Variants in OR52K1 observed in about 807,000 individuals in gnomAD.
OR52K1 encodes olfactory receptor 52K1.
Under a neutral mutation model 8.7 loss-of-function variants are expected in OR52K1, and 10 were observed. The observed-to-expected ratio is 1.15, with a 90% confidence interval of 0.71 to 1.95. OR52K1 has a LOEUF of 1.95. Ranked by LOEUF, OR52K1 falls within the 30% of genes most tolerant of loss-of-function variation. The pLI is 0.00. For synonymous variants in OR52K1, 203 were observed against 148.5 expected (o/e 1.37, Z -2.67); for missense variants, 431 against 397.2 (o/e 1.08, Z -0.72).
Position 4,488,866 on chromosome 11 carries a change from C to A in OR52K1, c.-35C>A. 6.9e-7 allele frequency: 1 copy of A among 1,458,856 alleles called. No homozygotes were observed. Among genetic ancestry groups the A allele is most frequent in the South Asian group, 1.2e-5 (1 of 83,356 alleles). The allele number at this position is 1,458,856 out of a possible 1,614,324, so 90.4% of individuals were successfully genotyped here. ...AAGGTATATATAGAAGGTGAAGAAG[C>A]CCTGTAAAAATTGACAAGGAGATTT... On this transcript the variant is annotated 5_prime_UTR_variant, in exon 2 of 2. Transcript: ENST00000641528.
At position 4,492,619 on chromosome 11, in the gene OR52K1, C is replaced by T. The variant is rs1167291770; in HGVS notation, c.*2774C>T. ...TAAAGGAAATACAGTCTTCTTACAG[C>T]ATATCATAAAATTATTTCACTTATC... is the stretch of plus-strand genomic sequence containing the variant. On this transcript the variant is annotated 3_prime_UTR_variant, in exon 2 of 2. Transcript: ENST00000641528. 6.6e-6 allele frequency: 1 copy of T among 152,186 alleles called. No homozygotes were observed. The highest frequency in any genetic ancestry group is 2.4e-5 in the African/African-American group (1 of 41,428). The allele number at this position is 152,186 out of a possible 1,614,324, so 9.4% of individuals were successfully genotyped here.
intron 1 of OR52K1, among the ~76,000 whole-genome samples, chr11:4,488,202 G>A (rs979544365): frequency 1.3e-5 from 2 of 152,238 alleles, no homozygotes; most frequent in Admixed American, 6.5e-5. Context: ...CTGTAGAGCA[G>A]TGGTCTTAAA....
rs1350160091 is a variant in OR52K1 at position 4,491,513 on chromosome 11, C to T, written c.*1668C>T. The T allele has an allele frequency of 6.6e-6, 1 of 152,074 alleles. No individual in the cohort carries two copies. The highest frequency in any genetic ancestry group is 6.5e-5 in the Admixed American group (1 of 15,278). 9.4% of individuals were successfully genotyped at this position (152,074 alleles called of 1,614,324 possible). ...TTCACTGCAGCACTATTCACAATAG[C>T]AAAGACACGGAATCAACCTAAAGGC... On this transcript the variant is annotated 3_prime_UTR_variant, in exon 2 of 2. Transcript: ENST00000641528.
intron 1 of OR52K1, among the ~76,000 whole-genome samples, chr11:4,488,280 A>C (rs796714067): frequency 1.2e-4 from 19 of 152,370 alleles, no homozygotes; most frequent in African/African-American, 4.6e-4. Context: ...TGAGCACGTG[A>C]AAAGTATTTT....
rs1228761457 is a variant in OR52K1, at chr11:4,491,098, A to G, written c.*1253A>G. ...CATTAAGCAATGCATGACTAGTTAG[A>G]CATGATTGTAGTTGTGATAGACTGT... On this transcript the variant is annotated 3_prime_UTR_variant, in exon 2 of 2. Transcript: ENST00000641528. 2 of 152,182 alleles carry G rather than the reference A, an allele frequency of 1.3e-5. No individual in the cohort carries two copies. The highest frequency in any genetic ancestry group is 4.8e-5 in the African/African-American group (2 of 41,446). 9.4% of individuals were successfully genotyped at this position (152,182 alleles called of 1,614,324 possible). A position where few individuals can be genotyped will look rare whatever the true frequency, so the allele number is the denominator to read the frequency against.
chr11:4,486,594 C>T (rs1163953630), intron 1 of OR52K1, among the ~76,000 whole-genome samples: 1 of 152,200 alleles, frequency 6.6e-6, no homozygotes, highest in East Asian at 1.9e-4. Context: ...TGCTCCCTAT[C>T]ATGAAATGCC....
In OR52K1 at chr11:4,489,563, C is replaced by A; in HGVS notation, c.663C>A (p.Val221=). 1.9e-6 allele frequency: 3 copies of A among 1,614,204 alleles called. No individual in the cohort carries two copies. Among genetic ancestry groups the A allele is most frequent in the Non-Finnish European group, 2.5e-6 (3 of 1,180,050 alleles). Residue 221 remains valine, a synonymous_variant, in exon 2 of 2, where the codon GTC becomes GTA. Coordinates refer to ENST00000641528, the MANE Select transcript of OR52K1 (RefSeq NM_001005171.3). ...LDLLFVILSY[V]FILQAVLQLA... is the part of the protein sequence containing the mutation. ...TGCTCTTTGTTATCCTGTCTTATGT[C>A]TTCATCCTTCAGGCAGTTCTCCAGC...
chr11:4,491,848 G>T lies in OR52K1; in HGVS notation c.*2003G>T, dbSNP rs1846377655. 1 of 152,078 alleles carries T rather than the reference G, an allele frequency of 6.6e-6. No homozygotes were observed. Among genetic ancestry groups the T allele is most frequent in the South Asian group, 2.1e-4 (1 of 4,816 alleles). 9.4% of individuals were successfully genotyped at this position (152,078 alleles called of 1,614,324 possible). A position where few individuals can be genotyped will look rare whatever the true frequency, so the allele number is the denominator to read the frequency against. On this transcript the variant is annotated 3_prime_UTR_variant, in exon 2 of 2. Transcript: ENST00000641528. ...TACGCCTAGTACCTAGGTGATTAAA[G>T]AACTTGTACAACAAACTCCCGTGAC...
chr11:4,489,082 T>C lies in OR52K1; in HGVS notation c.182T>C (p.Met61Thr), dbSNP rs1376469067. 2.5e-6 allele frequency: 4 copies of C among 1,614,090 alleles called. No homozygotes were observed. Among genetic ancestry groups the C allele is most frequent in the Middle Eastern group, 1.6e-4 (1 of 6,084 alleles). The change falls in exon 2 of 2, where the codon ATG (methionine) becomes ACG (threonine). Residue 61 changes from methionine to threonine, a missense_variant. Coordinates refer to ENST00000641528, the MANE Select transcript of OR52K1 (RefSeq NM_001005171.3). ...GCTGATGCAGCCCTCCATGAACCCATGTACCTCTTTCTGGCCATGTTGGCA... is the reference window on the plus strand; with the variant it reads ...GCTGATGCAGCCCTCCATGAACCCACGTACCTCTTTCTGGCCATGTTGGCA... ...IQADAALHEP[M>T]YLFLAMLATI...
rs1005632969 is a variant in OR52K1 at position 4,490,771 on chromosome 11, A to T, written c.*926A>T. 1 of 152,204 alleles carries T rather than the reference A, an allele frequency of 6.6e-6. No homozygotes were observed. The highest frequency in any genetic ancestry group is 2.4e-5 in the African/African-American group (1 of 41,454). 9.4% of individuals were successfully genotyped at this position (152,204 alleles called of 1,614,324 possible). Reference sequence around the variant, plus strand: ...TTTACTGTATGTTTTTTAACTTTTAAGTTACATGTACAGGTTTGTTATCTA... The same window carrying T: ...TTTACTGTATGTTTTTTAACTTTTATGTTACATGTACAGGTTTGTTATCTA... On this transcript the variant is annotated 3_prime_UTR_variant, in exon 2 of 2. Transcript: ENST00000641528.
chr11:4,491,318 C>T lies in OR52K1; in HGVS notation c.*1473C>T, dbSNP rs949171011. The T allele has an allele frequency of 2.6e-5, 4 of 152,140 alleles. No homozygotes were observed. The highest frequency in any genetic ancestry group is 2.9e-5 in the Non-Finnish European group (2 of 68,028). 9.4% of individuals were successfully genotyped at this position (152,140 alleles called of 1,614,324 possible). ...GTGAGGTTGTAGAGAAAAGGAAACA[C>T]TTATATACTGCTGGTAGGAGTGTAA... On this transcript the variant is annotated 3_prime_UTR_variant, in exon 2 of 2. Coordinates refer to ENST00000641528, the MANE Select transcript of OR52K1 (RefSeq NM_001005171.3).
chr11:4,486,268 G>A (rs1317493758), intron 1 of OR52K1, among the ~76,000 whole-genome samples: 1 of 152,206 alleles, frequency 6.6e-6, no homozygotes, highest in African/African-American at 2.4e-5. Flanking sequence ...CCTATGGGGT[G>A]TGGAAGCCAG....
chr11:4,487,109 G>A (rs1223010166), intron 1 of OR52K1, among the ~76,000 whole-genome samples: 1 of 152,182 alleles, frequency 6.6e-6, no homozygotes, highest in Non-Finnish European at 1.5e-5. Context: ...ATAAAATCCA[G>A]ATTGATATGT....
chr11:4,484,825 A>AACACACACACACAC (rs1429995858), intron 1 of OR52K1, among the ~76,000 whole-genome samples: 18 of 131,880 alleles, frequency 1.4e-4, no homozygotes, highest in African/African-American at 4.2e-4. Flanking sequence ...TCTGTTCTAA[A>AACACACACACACAC]ACACACAGAC....
intron 1 of OR52K1, among the ~76,000 whole-genome samples, chr11:4,487,111 T>C (rs1846327067): frequency 6.6e-6 from 1 of 152,216 alleles, no homozygotes; most frequent in South Asian, 2.1e-4. Flanking sequence ...AAAATCCAGA[T>C]TGATATGTTT....
chr11:4,489,419 C>T lies in OR52K1; in HGVS notation c.519C>T (p.Gly173=), dbSNP rs752640005. 8 of 1,614,118 alleles carry T rather than the reference C, an allele frequency of 5.0e-6. No homozygotes were observed. Among genetic ancestry groups the T allele is most frequent in the Middle Eastern group, 3.3e-4 (2 of 6,084 alleles). ...TCAGACGCTTCCACTACTGCCGAGG[C>T]CCAGTGATTGCCCATTGCTACTGTG... ...FLLRRFHYCR[G]PVIAHCYCEH... is the part of the protein sequence containing the mutation. The change falls in exon 2 of 2, where the codon GGC becomes GGT. Residue 173 remains glycine, a synonymous_variant. Transcript: ENST00000641528.
intron 1 of OR52K1, among the ~76,000 whole-genome samples, chr11:4,486,401 C>A (rs1289659387): frequency 1.3e-5 from 2 of 152,196 alleles, no homozygotes; most frequent in Non-Finnish European, 2.9e-5. Flanking sequence ...TATTCTCTTT[C>A]CTGTTCCACT....
At chr11:4,484,950 A>G (rs1846309784) in intron 1 of OR52K1, among the ~76,000 whole-genome samples, 1 of 152,076 alleles carries the variant, frequency 6.6e-6, no homozygotes, top group Non-Finnish European at 1.5e-5. Context: ...AAAGTTAGCC[A>G]TGTTAACAAA....
At chr11:4,487,921 G>C (rs1846333532) in intron 1 of OR52K1, among the ~76,000 whole-genome samples, 1 of 151,948 alleles carries the variant, frequency 6.6e-6, no homozygotes, top group Non-Finnish European at 1.5e-5. Flanking sequence ...TCTGAAAAAA[G>C]AACAATGACC....
Sources: allele counts gnomAD v4.1 joint callset (sites outside exome capture counted in the v4.1 genomes callset), GRCh38; gene constraint gnomAD v4.1.1; transcripts MANE v1.5; gene names NCBI Gene and HGNC (gene_info 2026-07-23, HGNC 2026-07-21).